PLCZ1: variants seen among roughly 807,000 people sequenced by gnomAD.
PLCZ1 encodes the protein phospholipase C zeta 1.
Under a neutral mutation model 76.8 loss-of-function variants are expected in PLCZ1, and 64 were observed. The observed-to-expected ratio is 0.83, with a 90% CI of 0.68 to 1.03. PLCZ1 has a LOEUF of 1.03. PLCZ1 is among the 50% of genes least tolerant of loss of function. The probability of loss-of-function intolerance (pLI) is 0.00; values close to 1 mark genes in which losing one functional copy is unlikely to be tolerated. For synonymous variants in PLCZ1, 248 were observed against 230.8 expected (o/e 1.07, Z -0.68); for missense variants, 751 against 713.7 (o/e 1.05, Z -0.60).
At chr12:18,708,723 T>C (rs1348515051) in intron 6 of PLCZ1, among the ~76,000 whole-genome samples, 1 of 152,168 alleles carries the variant, frequency 6.6e-6, no homozygotes, top group Non-Finnish European at 1.5e-5. Context: ...TGTGAGGTGG[T>C]ATCTCATAGT....
chr12:18,713,039 T>C, intron 5 of PLCZ1, 53 bp from the exon 6 acceptor site: 2 of 1,594,972 alleles, frequency 1.3e-6, no homozygotes, highest in Non-Finnish European at 1.7e-6. Flanking sequence ...TAAAAATATA[T>C]ACCAAAGTAT....
At chr12:18,693,194 A>C in intron 12 of PLCZ1, 1 of 1,564,328 alleles carries the variant, frequency 6.4e-7, no homozygotes, top group Non-Finnish European at 8.8e-7. Flanking sequence ...TTTCATTTGC[A>C]GACAAGGATC....
intron 5 of PLCZ1, 55 bp from the exon 6 acceptor site, chr12:18,713,041 C>A: frequency 6.3e-7 from 1 of 1,593,346 alleles, no homozygotes; most frequent in Non-Finnish European, 8.6e-7. Context: ...AAAATATATA[C>A]CAAAGTATTA....
rs754055198 is a variant in PLCZ1 at position 18,705,208 on chromosome 12, A to T, written c.822T>A (p.Ser274=). The part of the protein sequence containing the change: ...LQATFGESLL[S]DMLDDFPDTL... ...TATCAGGAAAATCATCAAGCATATC[A>T]GAAAGCAAGGACTCTCCAAAAGTAG... Residue 274 remains serine, a synonymous_variant, in exon 7 of 15, where the codon TCT becomes TCA. Coordinates refer to ENST00000266505, the MANE Select transcript of PLCZ1 (RefSeq NM_033123.4). The T allele has an allele frequency of 4.3e-6, 7 of 1,613,968 alleles. No individual in the cohort carries two copies. Among genetic ancestry groups the T allele is most frequent in the Non-Finnish European group, 5.9e-6 (7 of 1,180,008 alleles).
intron 7 of PLCZ1, among the ~76,000 whole-genome samples, chr12:18,702,828 T>TTC (rs1175741344): frequency 6.8e-6 from 1 of 148,026 alleles, no homozygotes; most frequent in East Asian, 2.0e-4. Flanking sequence ...CTTTTTTTTT[T>TTC]TTTTTTTTTT....
chr12:18,695,642 G>A (rs1256822272), intron 11 of PLCZ1, among the ~76,000 whole-genome samples: 1 of 151,960 alleles, frequency 6.6e-6, no homozygotes, highest in East Asian at 1.9e-4. Context: ...CAATCCAGTA[G>A]AAGGGTAACA....
intron 6 of PLCZ1, among the ~76,000 whole-genome samples, chr12:18,711,993 A>G (rs1161376988): frequency 6.6e-6 from 1 of 152,122 alleles, no homozygotes; most frequent in East Asian, 1.9e-4. Flanking sequence ...AAATTTATAT[A>G]AATTTGTGAT....
chr12:18,730,645 T>C lies in PLCZ1; in HGVS notation c.135+5576A>G, dbSNP rs562610530. ...CTGCTCATGTCCGTAATCATACATT[T>C]CAATTAGTGAGCCATTTCCGTACTT... On this transcript the variant is annotated intron_variant, in intron 3 of 14. Transcript: ENST00000266505. Among the ~76,000 whole-genome samples the C allele has an allele frequency of 2.0e-5, 3 of 152,260 alleles. No individual in the cohort carries two copies. The East Asian group carries it at 5.8e-4, about 29-fold the overall frequency.
chr12:18,699,521 C>T (rs1007066810), intron 10 of PLCZ1, among the ~76,000 whole-genome samples: 2 of 152,120 alleles, frequency 1.3e-5, no homozygotes, highest in Non-Finnish European at 2.9e-5. Flanking sequence ...CCTATACAAG[C>T]TGCTCACCAC....
chr12:18,724,591 T>C (rs1958642811), intron 3 of PLCZ1, among the ~76,000 whole-genome samples: 1 of 152,126 alleles, frequency 6.6e-6, no homozygotes, highest in South Asian at 2.1e-4. Flanking sequence ...TCTCCAGAGC[T>C]GATTAAACAA....
chr12:18,680,171 T>A (rs185592444), downstream of PLCZ1, among the ~76,000 whole-genome samples: 192 of 152,122 alleles, frequency 1.3e-3, 2 homozygotes, highest in Middle Eastern at 6.8e-3. Flanking sequence ...ATCCAGTCCA[T>A]ATAGTCCCCC....
intron 12 of PLCZ1, chr12:18,693,815 A>G (rs1178457826): frequency 1.3e-6 from 2 of 1,525,532 alleles, no homozygotes; most frequent in East Asian, 2.3e-5. Context: ...ACCAGGCCGC[A>G]TTGGCAGGAA....
chr12:18,728,971 T>C (rs1958900694), intron 3 of PLCZ1, among the ~76,000 whole-genome samples: 1 of 152,054 alleles, frequency 6.6e-6, no homozygotes, highest in Admixed American at 6.6e-5. Flanking sequence ...GTAGCGGATT[T>C]GTAGGGCAGA....
At chr12:18,703,090 T>G (rs1249814297) in intron 7 of PLCZ1, among the ~76,000 whole-genome samples, 2 of 152,166 alleles carry the variant, frequency 1.3e-5, no homozygotes, top group Non-Finnish European at 2.9e-5. Flanking sequence ...GGAAGCGGGA[T>G]TCTCTTCCAA....
chr12:18,710,064 G>A lies in PLCZ1; in HGVS notation c.714+2778C>T, dbSNP rs747881298. ...CTAACAGGGTTTTTTGTGTGGAATC[G>A]TTGGGCTTTTTTACATACAGGATTA... On this transcript the variant is annotated intron_variant, in intron 6 of 14. Transcript: ENST00000266505. Among the ~76,000 whole-genome samples the A allele has an allele frequency of 9.2e-5, 14 of 151,362 alleles. No homozygotes were observed. In the South Asian group the frequency reaches 1.0e-3, roughly 11 times the overall value.
chr12:18,717,790 C>T (rs1958152847), intron 5 of PLCZ1, among the ~76,000 whole-genome samples: 1 of 152,134 alleles, frequency 6.6e-6, no homozygotes, highest in Non-Finnish European at 1.5e-5. Flanking sequence ...GCTATACCTC[C>T]TAAAATTACA....
rs73346963 is a variant in PLCZ1, at chr12:18,726,204, T to C, written c.136-2662A>G. Among the ~76,000 whole-genome samples, 536 of 152,246 alleles carry C rather than the reference T, an allele frequency of 3.5e-3. 3 individuals are homozygous for C. The highest frequency in any genetic ancestry group is 0.012 in the African/African-American group (506 of 41,550). On this transcript the variant is annotated intron_variant, in intron 3 of 14. Coordinates refer to ENST00000266505, the MANE Select transcript of PLCZ1 (RefSeq NM_033123.4). ...ATAGGAAAAGAGATTTAAAAATGCA[T>C]ATCCCAGAAGATATGCAAAATCTCA...
chr12:18,709,782 T>A (rs1957070666), intron 6 of PLCZ1, among the ~76,000 whole-genome samples: 1 of 152,160 alleles, frequency 6.6e-6, no homozygotes, highest in Non-Finnish European at 1.5e-5. Flanking sequence ...ATTTTATATC[T>A]TCTGATTCAG....
At chr12:18,730,131 C>G (rs1958961437) in intron 3 of PLCZ1, among the ~76,000 whole-genome samples, 1 of 152,022 alleles carries the variant, frequency 6.6e-6, no homozygotes, top group African/African-American at 2.4e-5. Flanking sequence ...AAGTAGTAAA[C>G]AGCTAGGATG....
Sources: gnomAD v4.1 joint callset for allele counts (sites outside exome capture counted in the v4.1 genomes callset) on GRCh38, gnomAD v4.1.1 for gene constraint, MANE v1.5 for transcripts, NCBI Gene and HGNC (gene_info 2026-07-23, HGNC 2026-07-21) for gene names.